The following PLOD1 variants were observed in gnomAD, a reference collection of about 807,000 sequenced individuals.
PLOD1 encodes the protein lysine hydroxylase.
PLOD1 carries 70 observed loss-of-function variants against 94.7 expected under a neutral mutation model. That is an observed-to-expected ratio of 0.74 (90% CI 0.61 to 0.90). The LOEUF (loss-of-function observed/expected upper bound fraction) is 0.90, where lower values mean the gene tolerates loss of function less well. Ranked by LOEUF, PLOD1 falls within the 40% of genes least tolerant of loss-of-function variation. The pLI, the probability that PLOD1 is intolerant of heterozygous loss-of-function variation, is 0.00. For synonymous variants in PLOD1, 417 were observed against 400.2 expected (o/e 1.04, Z -0.50); for missense variants, 905 against 972.7 (o/e 0.93, Z 0.93).
intron 16 of PLOD1, among the ~76,000 whole-genome samples, chr1:11,968,811 G>A (rs565870022): frequency 4.9e-4 from 72 of 146,052 alleles, no homozygotes; most frequent in African/African-American, 1.5e-3. Context: ...CCACCGCACC[G>A]GGCACCCCAC....
intron 4 of PLOD1, among the ~76,000 whole-genome samples, chr1:11,951,614 T>C (rs1645702704): frequency 1.4e-5 from 2 of 146,384 alleles, no homozygotes; most frequent in Non-Finnish European, 1.5e-5. Context: ...ATATTATATA[T>C]AATAATTTAT....
chr1:11,970,642 C>T (rs561623871), intron 16 of PLOD1, 28 bp from the exon 17 acceptor site: 29 of 1,611,522 alleles, frequency 1.8e-5, no homozygotes, highest in Admixed American at 8.3e-5. Flanking sequence ...TAGAATTCTG[C>T]CTAAACATTC....
At chr1:11,973,944 T>G (rs1645884358) in intron 18 of PLOD1, among the ~76,000 whole-genome samples, 1 of 152,152 alleles carries the variant, frequency 6.6e-6, no homozygotes, top group Non-Finnish European at 1.5e-5. Flanking sequence ...GCTACTGGCA[T>G]CTAGTGGGTA....
Position 11,963,047 on chromosome 1 carries a change from A to G in PLOD1, c.1098-485A>G, listed in dbSNP as rs927391279. On this transcript the variant is annotated intron_variant, in intron 10 of 18. Transcript: ENST00000196061. The surrounding 1 kb of genome is among the most constrained non-coding windows in gnomAD (Gnocchi z 4.3). ...CAGAGTGAGACTCGTTCTCAAAAAAATAAAATAAAATAAAAATAAAAAAAA... is the reference window on the plus strand; with the variant it reads ...CAGAGTGAGACTCGTTCTCAAAAAAGTAAAATAAAATAAAAATAAAAAAAA... Among the ~76,000 whole-genome samples, 1 of 134,848 alleles carries G rather than the reference A, an allele frequency of 7.4e-6. No homozygotes were observed. The highest frequency in any genetic ancestry group is 2.5e-5 in the African/African-American group (1 of 40,060). 88.5% of individuals were successfully genotyped at this position (134,848 alleles called of 152,430 possible). A position where few individuals can be genotyped will look rare whatever the true frequency, so the allele number is the denominator to read the frequency against.
At chr1:11,952,760 G>A (rs759690581) in intron 5 of PLOD1, 25 bp downstream of exon 5, 5 of 1,529,858 alleles carry the variant, frequency 3.3e-6, no homozygotes, top group Non-Finnish European at 4.5e-6. Context: ...GCGGGCCAAG[G>A]AGAGGGGGCT....
At position 11,935,851 on chromosome 1, in the gene PLOD1, C is replaced by A. The variant is rs1465621700; in HGVS notation, c.76+996C>A. Reference sequence around the variant, plus strand: ...TGCTGGCCAGGCTGGTCTTGAACTTCTGACCTCTTGATCCGCTGGCCTCAG... The same window carrying A: ...TGCTGGCCAGGCTGGTCTTGAACTTATGACCTCTTGATCCGCTGGCCTCAG... On this transcript the variant is annotated intron_variant, in intron 1 of 18. Transcript: ENST00000196061. 5.6e-4 allele frequency among the ~76,000 whole-genome samples: 82 copies of A among 146,948 alleles called. 1 individual carries two copies. Among genetic ancestry groups the A allele is most frequent in the Non-Finnish European group, 1.1e-4 (7 of 66,188 alleles).
At chr1:11,947,295 C>T (rs185548556) in intron 1 of PLOD1, among the ~76,000 whole-genome samples, 3 of 150,940 alleles carry the variant, frequency 2.0e-5, no homozygotes, top group Admixed American at 6.6e-5. Flanking sequence ...CTCTCTTGGT[C>T]GGGCATGATG....
intron 2 of PLOD1, among the ~76,000 whole-genome samples, chr1:11,949,159 G>A (rs554531584): frequency 6.6e-6 from 1 of 152,290 alleles, no homozygotes; most frequent in Admixed American, 6.5e-5. Flanking sequence ...TCAGCAGAAG[G>A]AGACAGGCTT....
At chr1:11,948,917 A>G (rs561603664) in intron 2 of PLOD1, among the ~76,000 whole-genome samples, 5 of 152,264 alleles carry the variant, frequency 3.3e-5, no homozygotes, top group African/African-American at 9.6e-5. Context: ...ACAATACAGA[A>G]CATGTCATTG....
intron 1 of PLOD1, among the ~76,000 whole-genome samples, chr1:11,935,664 G>A (rs886402160): frequency 2.0e-5 from 3 of 147,154 alleles, no homozygotes; most frequent in Admixed American, 6.9e-5. Flanking sequence ...TCGCTCTGTC[G>A]CCCAGGCTGG....
At chr1:11,950,229 G>T in intron 3 of PLOD1, 128 bp from the exon 4 acceptor site, 1 of 912,634 alleles carries the variant, frequency 1.1e-6, no homozygotes. Context: ...TTCCCAGATG[G>T]TGGCCCAGGC....
At chr1:11,937,324 G>A (rs1012738295) in intron 1 of PLOD1, among the ~76,000 whole-genome samples, 8 of 152,190 alleles carry the variant, frequency 5.3e-5, no homozygotes, top group Admixed American at 2.6e-4. Context: ...GGATGAAGTT[G>A]GGGAGAGTTC....
chr1:11,952,308 G>C (rs1645708666), intron 4 of PLOD1, among the ~76,000 whole-genome samples: 1 of 152,236 alleles, frequency 6.6e-6, no homozygotes, highest in African/African-American at 2.4e-5. Flanking sequence ...TCCCAGCCCT[G>C]CTCTCCAGGG....
rs1247099481 is a variant in PLOD1, at chr1:11,963,122, G to A, written c.1098-410G>A. Among the ~76,000 whole-genome samples the A allele has an allele frequency of 1.3e-5, 2 of 152,150 alleles. No individual in the cohort carries two copies. The highest frequency in any genetic ancestry group is 2.4e-5 in the African/African-American group (1 of 41,444). On this transcript the variant is annotated intron_variant, in intron 10 of 18. Coordinates refer to ENST00000196061, the MANE Select transcript of PLOD1 (RefSeq NM_000302.4). The surrounding 1 kb of genome is among the most constrained non-coding windows in gnomAD (Gnocchi z 4.3). The stretch of plus-strand genomic sequence containing the variant: ...CCATGAGCTGTACAAAACCAGGCAG[G>A]GCCAGAGTTTGACTCACAGACCCTC...
chr1:11,934,960 G>T, intron 1 of PLOD1, 105 bp downstream of exon 1: 1 of 1,368,456 alleles, frequency 7.3e-7, no homozygotes, highest in South Asian at 1.4e-5. Flanking sequence ...GGCTGGAGAG[G>T]GAGTCTGGGT....
At position 11,965,653 on chromosome 1, in the gene PLOD1, G is replaced by A. The variant is rs1173736108; in HGVS notation, c.1584+60G>A. Reference sequence around the variant, plus strand: ...AAAGGGGCCCAGTGATCCTGCAGTCGGAGGGACTTCCCTCTCAGAGTCTTA... The same window carrying A: ...AAAGGGGCCCAGTGATCCTGCAGTCAGAGGGACTTCCCTCTCAGAGTCTTA... On this transcript the variant is annotated intron_variant, in intron 14 of 18. Transcript: ENST00000196061. 2.1e-5 allele frequency: 21 copies of A among 1,009,496 alleles called. 1 individual carries two copies. Among genetic ancestry groups the A allele is most frequent in the African/African-American group, 7.9e-5 (5 of 63,308 alleles). The allele number at this position is 1,009,496 out of a possible 1,614,324, so 62.5% of individuals were successfully genotyped here.
rs550524368 is a variant in PLOD1 at position 11,964,383 on chromosome 1, T to G, written c.1328+83T>G. ...GCTTGTGGGGCTCCCTCCCTATTATTCCTGTTCTTGTTACCCTCAAATTCC... is the reference window on the plus strand; with the variant it reads ...GCTTGTGGGGCTCCCTCCCTATTATGCCTGTTCTTGTTACCCTCAAATTCC... On this transcript the variant is annotated intron_variant, in intron 12 of 18. Coordinates refer to ENST00000196061, the MANE Select transcript of PLOD1 (RefSeq NM_000302.4). 347 of 1,403,338 alleles carry G rather than the reference T, an allele frequency of 2.5e-4. 1 individual carries two copies. The highest frequency in any genetic ancestry group is 3.3e-4 in the Non-Finnish European group (331 of 997,284). 86.9% of individuals were successfully genotyped at this position (1,403,338 alleles called of 1,614,324 possible). A position where few individuals can be genotyped will look rare whatever the true frequency, so the allele number is the denominator to read the frequency against.
chr1:11,940,032 G>A (rs980828860), intron 1 of PLOD1, among the ~76,000 whole-genome samples: 9 of 152,006 alleles, frequency 5.9e-5, no homozygotes, highest in African/African-American at 1.9e-4. Flanking sequence ...CCCAAAGACC[G>A]GGATTACAGG....
chr1:11,944,584 T>C (rs1645637254), intron 1 of PLOD1: 9 of 1,361,404 alleles, frequency 6.6e-6, no homozygotes, highest in Non-Finnish European at 8.8e-6. Flanking sequence ...GGGGAGAGAC[T>C]TCACCGTCCT....
Sources: allele counts gnomAD v4.1 joint callset (sites outside exome capture counted in the v4.1 genomes callset), GRCh38; gene constraint gnomAD v4.1.1; non-coding constraint Gnocchi (gnomAD v3.1); transcripts MANE v1.5; gene names NCBI Gene and HGNC (gene_info 2026-07-23, HGNC 2026-07-21).